RALYL: variants seen among roughly 807,000 people sequenced by gnomAD.
RALYL encodes the protein RNA-binding Raly-like protein.
In RALYL, 29 loss-of-function variants were observed where a neutral mutation model predicts 35.1. The observed-to-expected ratio is 0.83, with a 90% CI of 0.61 to 1.13. RALYL has a LOEUF of 1.13. Ranked by LOEUF, RALYL falls within the 50% of genes most tolerant of loss-of-function variation. The pLI is 0.00. For synonymous variants in RALYL, 120 were observed against 127.6 expected (o/e 0.94, Z 0.40); for missense variants, 359 against 360.4 (o/e 1.00, Z 0.03).
At chr8:84,771,583 C>A (rs1283983534) in intron 2 of RALYL, among the ~76,000 whole-genome samples, 1 of 152,070 alleles carries the variant, frequency 6.6e-6, no homozygotes, top group Non-Finnish European at 1.5e-5. Flanking sequence ...AATGTAAATT[C>A]AATGGGTTTT....
intron 2 of RALYL, among the ~76,000 whole-genome samples, chr8:84,678,576 G>T (rs751869813): frequency 6.6e-6 from 1 of 152,028 alleles, no homozygotes; most frequent in Admixed American, 6.6e-5. Context: ...CAAGTGTAGC[G>T]TTTTTTAATG....
At chr8:84,640,789 GTT>G (rs1239425677) in intron 2 of RALYL, among the ~76,000 whole-genome samples, 1 of 151,882 alleles carries the variant, frequency 6.6e-6, no homozygotes, top group Non-Finnish European at 1.5e-5. Flanking sequence ...ATTCTGAGAA[GTT>G]TTCAAAACAG....
rs576115487 is a variant in RALYL, at chr8:84,848,841, T to C, written c.366-1139T>C. On this transcript the variant is annotated intron_variant, in intron 4 of 8. Transcript: ENST00000521268. The stretch of plus-strand genomic sequence containing the variant: ...TAAAAAGAAAACGAGTAAGTAAACT[T>C]TTTTTTTTAAATTACTCCCCTGTGG... Among the ~76,000 whole-genome samples, 161 of 151,532 alleles carry C rather than the reference T, an allele frequency of 1.1e-3. 2 individuals carry two copies. The highest frequency in any genetic ancestry group is 1.8e-3 in the Non-Finnish European group (120 of 67,772).
At chr8:84,710,109 C>T (rs1321595141) in intron 2 of RALYL, among the ~76,000 whole-genome samples, 1 of 151,894 alleles carries the variant, frequency 6.6e-6, no homozygotes, top group Non-Finnish European at 1.5e-5. Context: ...CCTTGAAATT[C>T]ACTATATTCT....
At chr8:84,241,163 A>T (rs1827777211) in intron 1 of RALYL, among the ~76,000 whole-genome samples, 1 of 152,180 alleles carries the variant, frequency 6.6e-6, no homozygotes, top group African/African-American at 2.4e-5. Flanking sequence ...CACACACACA[A>T]GTACCTCCCC....
At chr8:84,346,403 T>A (rs1432089947) in intron 1 of RALYL, among the ~76,000 whole-genome samples, 1 of 152,166 alleles carries the variant, frequency 6.6e-6, no homozygotes, top group Non-Finnish European at 1.5e-5. Flanking sequence ...AGAGATTAAA[T>A]ACATATGTAT....
intron 7 of RALYL, among the ~76,000 whole-genome samples, chr8:84,874,240 A>G (rs1840718257): frequency 6.6e-6 from 1 of 152,148 alleles, no homozygotes; most frequent in Non-Finnish European, 1.5e-5. Flanking sequence ...GGCATTCAAC[A>G]TAAGACTTAA....
intron 1 of RALYL, among the ~76,000 whole-genome samples, chr8:84,303,493 G>A (rs1841205763): frequency 6.6e-6 from 1 of 152,124 alleles, no homozygotes; most frequent in African/African-American, 2.4e-5. Context: ...GCTTATCAGA[G>A]GTACTATTGA....
chr8:84,546,089 C>T (rs986997012), intron 2 of RALYL, among the ~76,000 whole-genome samples: 6 of 151,748 alleles, frequency 4.0e-5, no homozygotes, highest in Non-Finnish European at 7.4e-5. Context: ...AGTGGCAGGG[C>T]GGGATGAGAC....
In RALYL at chr8:84,921,031, A is replaced by G. The variant is rs1849258305; in HGVS notation, c.*120A>G. On this transcript the variant is annotated 3_prime_UTR_variant, in exon 9 of 9. Coordinates refer to ENST00000521268, the MANE Select transcript of RALYL (RefSeq NM_173848.7). ...TTGGTTCAATTTATATAAAAACCCA[A>G]ATAAATAAAATGGACAGTATTGCTC... The G allele has an allele frequency of 3.8e-6, 2 of 524,806 alleles. No individual in the cohort carries two copies. Among genetic ancestry groups the G allele is most frequent in the East Asian group, 6.8e-5 (2 of 29,384 alleles). 32.5% of individuals were successfully genotyped at this position (524,806 alleles called of 1,614,324 possible).
At chr8:84,853,489 G>A (rs993326012) in intron 5 of RALYL, among the ~76,000 whole-genome samples, 1 of 152,184 alleles carries the variant, frequency 6.6e-6, no homozygotes, top group Non-Finnish European at 1.5e-5. Flanking sequence ...GCTTTCAGGT[G>A]ACTCTCTACT....
chr8:84,514,090 T>TAAAAAAAAAAAAAAAAAAA (rs57881021), intron 1 of RALYL, among the ~76,000 whole-genome samples: 3 of 41,152 alleles, frequency 7.3e-5, no homozygotes, highest in African/African-American at 1.6e-4. Flanking sequence ...AGATTTCATC[T>TAAAAAAAAAAAAAAAAAAA]AAAAAAAAAA....
rs539338697 is a variant in RALYL at position 84,731,258 on chromosome 8, A to G, written c.257-43321A>G. ...CTGAGATCTGTACCCACAGAATTGAATTCAGCAAAACTCATGTTCATTTGG... is the reference window on the plus strand; with the variant it reads ...CTGAGATCTGTACCCACAGAATTGAGTTCAGCAAAACTCATGTTCATTTGG... On this transcript the variant is annotated intron_variant, in intron 2 of 8. Coordinates refer to ENST00000521268, the MANE Select transcript of RALYL (RefSeq NM_173848.7). Among the ~76,000 whole-genome samples, 7 of 152,254 alleles carry G rather than the reference A, an allele frequency of 4.6e-5. No individual in the cohort carries two copies. The South Asian group carries it at 1.2e-3, about 27-fold the overall frequency.
At chr8:84,670,562 T>C (rs1833007580) in intron 2 of RALYL, among the ~76,000 whole-genome samples, 1 of 152,196 alleles carries the variant, frequency 6.6e-6, no homozygotes, top group Non-Finnish European at 1.5e-5. Context: ...TATTTCCACA[T>C]AGCTGGGAAG....
chr8:84,732,668 T>TTATATATATATATATATATA (rs1554553641), intron 2 of RALYL, among the ~76,000 whole-genome samples: 24 of 132,438 alleles, frequency 1.8e-4, no homozygotes, highest in Admixed American at 2.9e-4. Flanking sequence ...TATTAAATAA[T>TTATATATATATATATATATA]TATATATATA....
intron 4 of RALYL, among the ~76,000 whole-genome samples, chr8:84,809,719 T>C (rs1204463778): frequency 6.6e-6 from 1 of 152,108 alleles, no homozygotes; most frequent in Non-Finnish European, 1.5e-5. Flanking sequence ...GAGGATTGTA[T>C]TTTTTCAGGA....
At chr8:84,616,731 C>T (rs1389153897) in intron 2 of RALYL, among the ~76,000 whole-genome samples, 1 of 151,106 alleles carries the variant, frequency 6.6e-6, no homozygotes, top group African/African-American at 2.4e-5. Context: ...TTAGGTCTAA[C>T]GTTTAAGTCT....
intron 2 of RALYL, among the ~76,000 whole-genome samples, chr8:84,636,701 G>A (rs1048238044): frequency 3.3e-5 from 5 of 151,720 alleles, no homozygotes; most frequent in African/African-American, 9.7e-5. Flanking sequence ...GACAAACAGG[G>A]CTATTCCACA....
chr8:84,561,278 AG>A (rs2061452892), intron 2 of RALYL, among the ~76,000 whole-genome samples: 2 of 152,230 alleles, frequency 1.3e-5, no homozygotes, highest in Admixed American at 6.5e-5. Flanking sequence ...ATCTTAAAAA[AG>A]TATAATATAT....
Sources: allele counts gnomAD v4.1 joint callset (sites outside exome capture counted in the v4.1 genomes callset), GRCh38; gene constraint gnomAD v4.1.1; transcripts MANE v1.5; gene names NCBI Gene and HGNC (gene_info 2026-07-23, HGNC 2026-07-21).